Variants in DSP observed in about 807,000 individuals in gnomAD.
DSP encodes 250/210 kDa paraneoplastic pemphigus antigen.
Under a neutral mutation model 290.6 loss-of-function variants are expected in DSP, and 114 were observed. The observed-to-expected ratio is 0.39, with a 90% confidence interval of 0.34 to 0.46. DSP has a LOEUF of 0.46. DSP is among the 20% of genes least tolerant of loss of function. DSP has a pLI of 0.99. For missense variants in DSP, 3,230 were observed against 3,495.8 expected, an observed-to-expected ratio of 0.92 and a Z score of 1.92; for synonymous variants, 1,311 against 1,316.4, an observed-to-expected ratio of 1.00 and a Z score of 0.09.
chr6:7,574,292 C>CA, intron 16 of DSP, 40 bp downstream of exon 16: 1 of 1,599,414 alleles, frequency 6.3e-7, no homozygotes, highest in Non-Finnish European at 8.6e-7. Context: ...TTCCTTTTCT[C>CA]AAGCTTCTTT....
intron 12 of DSP, 115 bp downstream of exon 12, chr6:7,569,455 C>T: frequency 2.0e-6 from 3 of 1,503,834 alleles, no homozygotes; most frequent in Non-Finnish European, 2.8e-6. Flanking sequence ...ATAATAAACA[C>T]CTTCTAAAAA....
chr6:7,561,870 G>A (rs1406471697), intron 4 of DSP, among the ~76,000 whole-genome samples: 13 of 152,200 alleles, frequency 8.5e-5, no homozygotes, highest in Admixed American at 8.5e-4. Context: ...AAATTTACAT[G>A]TACTCATGCA....
Position 7,575,436 on chromosome 6 carries a change from G to A in DSP, c.2578G>A (p.Val860Ile), listed in dbSNP as rs775570101. The change falls in exon 18 of 24, where the codon GTC becomes ATC. Residue 860 changes from valine (V) to isoleucine (I), a missense_variant. By Grantham distance (29) the Val-to-Ile change is conservative. Around this residue, in one of 5 missense-constraint regions of DSP, gnomAD observed 1,714 missense variants for 1,844.5 expected, o/e 0.93. Transcript: ENST00000379802. ...GGACTTGGGCAAGTTCGGTGAAAAAGTCACACAGCTGACAGACCGCTGGCA... is the reference window on the plus strand; with the variant it reads ...GGACTTGGGCAAGTTCGGTGAAAAAATCACACAGCTGACAGACCGCTGGCA... ...DLDLGKFGEK[V>I]TQLTDRWQRI... The A allele has an allele frequency of 1.9e-6, 3 of 1,614,192 alleles. No individual in the cohort carries two copies. The highest frequency in any genetic ancestry group is 2.2e-5 in the South Asian group (2 of 91,086).
intron 2 of DSP, among the ~76,000 whole-genome samples, chr6:7,557,230 T>C (rs1057101745): frequency 2.0e-5 from 3 of 152,238 alleles, no homozygotes; most frequent in Admixed American, 1.3e-4. Flanking sequence ...GAAGTAGTTA[T>C]AGACTCATAA....
At chr6:7,558,507 CTTTTTTTTTTT>C (rs145193988) in intron 3 of DSP, among the ~76,000 whole-genome samples, 3,094 of 104,754 alleles carry the variant, frequency 0.03, 129 homozygotes, top group African/African-American at 0.11. Context: ...TGGCATTTGA[CTTTTTTTTTTT>C]TTTTTTTTTT....
intron 3 of DSP, 76 bp downstream of exon 3, chr6:7,558,340 G>T: frequency 6.4e-7 from 1 of 1,555,246 alleles, no homozygotes; most frequent in South Asian, 1.2e-5. Context: ...TCAATTCCAT[G>T]ACCCAGGGCT....
intron 2 of DSP, among the ~76,000 whole-genome samples, chr6:7,556,568 T>C (rs906104085): frequency 3.3e-5 from 5 of 152,240 alleles, no homozygotes; most frequent in Non-Finnish European, 7.3e-5. Context: ...CAAGGTTACA[T>C]CTGGCATCTG....
chr6:7,575,971 G>C (rs549568824), intron 18 of DSP, among the ~76,000 whole-genome samples: 2 of 152,278 alleles, frequency 1.3e-5, no homozygotes, highest in South Asian at 4.1e-4. Context: ...CTTTCACTTA[G>C]TATCGTGCTT....
In DSP at chr6:7,576,336, T is replaced by C. The variant is rs146407262; in HGVS notation, c.2673T>C (p.Tyr891=). ...LEKQIKQLRN[Y]RDNYQAFCKW... ...AACAAATCAAGCAATTGAGGAATTA[T>C]CGTGATAACTATCAGGCTTTCTGCA... The change falls in exon 19 of 24, where the codon TAT becomes TAC. Residue 891 remains tyrosine, a synonymous_variant. Coordinates refer to ENST00000379802, the MANE Select transcript of DSP (RefSeq NM_004415.4). The C allele has an allele frequency of 1.2e-3, 1,914 of 1,614,156 alleles. 14 individuals carry two copies. The African/African-American group carries it at 0.023, about 20-fold the overall frequency.
chr6:7,559,381 G>C lies in DSP; in HGVS notation c.578G>C (p.Gly193Ala), dbSNP rs750350474. ...FTKHVTSECL[G>A]WMRQQRAEMD... Reference sequence around the variant, plus strand: ...AAACATGTCACCAGTGAATGTTTGGGGTGGATGAGGCAGCAAAGGGTAAGC... The same window carrying C: ...AAACATGTCACCAGTGAATGTTTGGCGTGGATGAGGCAGCAAAGGGTAAGC... Residue 193 changes from glycine to alanine, a missense_variant, in exon 4 of 24, where the codon GGG becomes GCG. Gly to Ala is a moderately conservative substitution (Grantham distance 60). This residue lies in a region of DSP where 646 missense variants were observed against 684.3 expected (regional missense o/e 0.94). Transcript: ENST00000379802. The C allele has an allele frequency of 5.0e-6, 8 of 1,612,668 alleles. No homozygotes were observed. The South Asian group carries it at 8.8e-5, about 18-fold the overall frequency.
chr6:7,562,655 G>T lies in DSP; in HGVS notation c.601G>T (p.Glu201Ter). ...TCTCTTTGTCTTTGTGTCGCAGGCGGAGATGGACATGGTGGCCTGGGGTGT... is the reference window on the plus strand; with the variant it reads ...TCTCTTTGTCTTTGTGTCGCAGGCGTAGATGGACATGGTGGCCTGGGGTGT... ...CLGWMRQQRA[E>*]MDMVAWGVDL... The change falls in exon 5 of 24, where the codon GAG becomes TAG. Residue 201 changes from glutamate to a stop codon, truncating the protein, a stop_gained. Transcript: ENST00000379802. LOFTEE classifies it high-confidence loss of function. The T allele has an allele frequency of 6.2e-7, 1 of 1,614,148 alleles. No homozygotes were observed. The highest frequency in any genetic ancestry group is 1.1e-5 in the South Asian group (1 of 91,080).
At chr6:7,562,082 T>G (rs1758709363) in intron 4 of DSP, among the ~76,000 whole-genome samples, 1 of 152,226 alleles carries the variant, frequency 6.6e-6, no homozygotes, top group African/African-American at 2.4e-5. Context: ...ATATAGTGAC[T>G]TCCCTTTGAA....
Position 7,585,973 on chromosome 6 carries a change from G to A in DSP, c.*95G>A, listed in dbSNP as rs1362730990. 8.1e-7 allele frequency: 1 copy of A among 1,237,128 alleles called. No homozygotes were observed. Among genetic ancestry groups the A allele is most frequent in the Non-Finnish European group, 1.2e-6 (1 of 855,600 alleles). The allele number at this position is 1,237,128 out of a possible 1,614,324, so 76.6% of individuals were successfully genotyped here. A position where few individuals can be genotyped will look rare whatever the true frequency, so the allele number is the denominator to read the frequency against. On this transcript the variant is annotated 3_prime_UTR_variant, in exon 24 of 24. Transcript: ENST00000379802. ...AAAGAAAATCCCGGTGCTTGCAGTA[G>A]AGTGATAGGACATTCTATGCTTACA...
At chr6:7,559,186 C>G in intron 3 of DSP, 40 bp from the exon 4 acceptor site, 1 of 1,612,132 alleles carries the variant, frequency 6.2e-7, no homozygotes, top group Non-Finnish European at 8.5e-7. Flanking sequence ...TTTTCATAGG[C>G]TGTTTTCCTG....
chr6:7,583,665 G>T lies in DSP; in HGVS notation c.6403G>T (p.Val2135Leu). The T allele has an allele frequency of 6.2e-7, 1 of 1,614,172 alleles. No homozygotes were observed. Among genetic ancestry groups the T allele is most frequent in the Non-Finnish European group, 8.5e-7 (1 of 1,180,044 alleles). The change falls in exon 24 of 24, where the codon GTA becomes TTA. Residue 2135 changes from valine to leucine, a missense_variant. Around this residue, in one of 5 missense-constraint regions of DSP, gnomAD observed 1,714 missense variants for 1,844.5 expected, o/e 0.93. Coordinates refer to ENST00000379802, the MANE Select transcript of DSP (RefSeq NM_004415.4). This position sits in a 1 kb window ranked among gnomAD's most constrained non-coding sequence, Gnocchi z 4.0. The part of the protein sequence containing the change: ...LEAQIASGGV[V>L]DPVNSVFLPK... Reference sequence around the variant, plus strand: ...AGCCCAGATTGCTTCAGGGGGTGTAGTAGACCCTGTGAACAGTGTCTTTTT... The same window carrying T: ...AGCCCAGATTGCTTCAGGGGGTGTATTAGACCCTGTGAACAGTGTCTTTTT...
intron 1 of DSP, among the ~76,000 whole-genome samples, chr6:7,554,243 C>T (rs1288669700): frequency 6.6e-6 from 1 of 152,184 alleles, no homozygotes; most frequent in East Asian, 1.9e-4. Context: ...ATTAAATAAT[C>T]ACTTGGTCTG....
In DSP at chr6:7,581,373, G is replaced by T; in HGVS notation, c.5183G>T (p.Arg1728Met). The change falls in exon 23 of 24, where the codon AGG becomes ATG. Residue 1728 changes from arginine (R) to methionine (M), a missense_variant. Arg to Met is a moderately conservative substitution (Grantham distance 91). Around this residue, in one of 5 missense-constraint regions of DSP, gnomAD observed 1,714 missense variants for 1,844.5 expected, o/e 0.93. Coordinates refer to ENST00000379802, the MANE Select transcript of DSP (RefSeq NM_004415.4). ...LMLEEELRNL[R>M]LEYDDLRRGR... The stretch of plus-strand genomic sequence containing the variant: ...TTAGAAGAAGAACTGCGGAACCTGA[G>T]GCTGGAGTACGATGACCTGAGGAGA... The T allele has an allele frequency of 6.2e-7, 1 of 1,614,220 alleles. No homozygotes were observed. Among genetic ancestry groups the T allele is most frequent in the Non-Finnish European group, 8.5e-7 (1 of 1,180,032 alleles).
chr6:7,583,316 C>T lies in DSP; in HGVS notation c.6054C>T (p.Ile2018=), dbSNP rs369700204. 79 of 1,614,060 alleles carry T rather than the reference C, an allele frequency of 4.9e-5. No homozygotes were observed. Among genetic ancestry groups the T allele is most frequent in the Middle Eastern group, 3.3e-4 (2 of 6,084 alleles). ...CATTCCTTCGGGGTGCAGGATCTAT[C>T]GCTGGAGCATCTGCTTCTCCTAAGG... ...IQPFLRGAGS[I]AGASASPKEK... Residue 2018 remains isoleucine (I), a synonymous_variant, in exon 24 of 24, where the codon ATC becomes ATT. Coordinates refer to ENST00000379802, the MANE Select transcript of DSP (RefSeq NM_004415.4). This position sits in a 1 kb window ranked among gnomAD's most constrained non-coding sequence, Gnocchi z 4.0.
chr6:7,567,517 A>G, intron 9 of DSP, 68 bp downstream of exon 9: 1 of 1,359,542 alleles, frequency 7.4e-7, no homozygotes, highest in South Asian at 1.2e-5. Context: ...AGTGTGTTTT[A>G]TAAAGCACTG....
Sources: allele counts gnomAD v4.1 joint callset (sites outside exome capture counted in the v4.1 genomes callset), GRCh38; gene constraint gnomAD v4.1.1; regional missense constraint gnomAD v4.1.1; non-coding constraint Gnocchi (gnomAD v3.1); transcripts MANE v1.5; gene names NCBI Gene and HGNC (gene_info 2026-07-23, HGNC 2026-07-21).